CCL22: variants seen among roughly 807,000 people sequenced by gnomAD.
CCL22 encodes the protein C-C motif chemokine ligand 22.
A neutral mutation model predicts 7.6 loss-of-function variants in CCL22; 7 were observed. The observed-to-expected ratio is 0.92, with a 90% CI of 0.52 to 1.72. The LOEUF (loss-of-function observed/expected upper bound fraction) is 1.72. CCL22 is among the 40% of genes most tolerant of loss of function. The pLI is 0.00. For missense variants in CCL22, 115 were observed against 124.7 expected, an observed-to-expected ratio of 0.92 and a Z score of 0.37; for synonymous variants, 55 against 47.2, an observed-to-expected ratio of 1.17 and a Z score of -0.68.
chr16:57,360,577 G>T lies in CCL22; in HGVS notation c.197+17G>T. 1 of 1,613,914 alleles carries T rather than the reference G, an allele frequency of 6.2e-7. No homozygotes were observed. The highest frequency in any genetic ancestry group is 1.1e-5 in the South Asian group (1 of 91,080). On this transcript the variant is annotated intron_variant, in intron 2 of 2. Coordinates refer to ENST00000219235, the MANE Select transcript of CCL22 (RefSeq NM_002990.5). ...TGGCGTGGTGTGAGTAGGGAGCTGGGGCCACAGGGCCTTGGTGGGCCTGAC... is the reference window on the plus strand; with the variant it reads ...TGGCGTGGTGTGAGTAGGGAGCTGGTGCCACAGGGCCTTGGTGGGCCTGAC...
chr16:57,361,072 C>G (rs1902043828), intron 2 of CCL22, among the ~76,000 whole-genome samples: 1 of 151,998 alleles, frequency 6.6e-6, no homozygotes, highest in Non-Finnish European at 1.5e-5. Context: ...TCAGCCTGGT[C>G]AACATGGTGA....
In CCL22 at chr16:57,365,809, A is replaced by G. The variant is rs1162101852; in HGVS notation, c.*2221A>G. 6.6e-6 allele frequency: 1 copy of G among 152,260 alleles called. No individual in the cohort carries two copies. 9.4% of individuals were successfully genotyped at this position (152,260 alleles called of 1,614,324 possible). On this transcript the variant is annotated 3_prime_UTR_variant, in exon 3 of 3. Transcript: ENST00000219235. ...GGGACAGCAGTGTCCCAGGTAAAGGACATAAATGTTACAAGTGTCTGGTCC... is the reference window on the plus strand; with the variant it reads ...GGGACAGCAGTGTCCCAGGTAAAGGGCATAAATGTTACAAGTGTCTGGTCC...
chr16:57,363,698 T>G lies in CCL22; in HGVS notation c.*110T>G. The G allele has an allele frequency of 1.4e-6, 1 of 702,268 alleles. No homozygotes were observed. Among genetic ancestry groups the G allele is most frequent in the Non-Finnish European group, 2.5e-6 (1 of 393,404 alleles). 43.5% of individuals were successfully genotyped at this position (702,268 alleles called of 1,614,324 possible). ...CAGAAGCCTGTGCCAACTCTCTGCA[T>G]TCCCTGATCTCCATCCCTGTGGCTG... On this transcript the variant is annotated 3_prime_UTR_variant, in exon 3 of 3. Coordinates refer to ENST00000219235, the MANE Select transcript of CCL22 (RefSeq NM_002990.5).
At chr16:57,361,122 G>A (rs1230014036) in intron 2 of CCL22, among the ~76,000 whole-genome samples, 1 of 152,048 alleles carries the variant, frequency 6.6e-6, no homozygotes, top group Non-Finnish European at 1.5e-5. Flanking sequence ...AGCTGAGTGT[G>A]ATGGTGCGTG....
At position 57,358,838 on chromosome 16, in the gene CCL22, C is replaced by T; in HGVS notation, c.22C>T (p.Leu8Phe). Residue 8 changes from leucine to phenylalanine, a missense_variant, in exon 1 of 3, where the codon CTC (leucine) becomes TTC (phenylalanine). Physicochemically the swap from Leu to Phe is conservative, Grantham distance 22. Transcript: ENST00000219235. MDRLQTALLVVLVLLAVA... is the reference protein window; with the variant it reads MDRLQTAFLVVLVLLAVA... ...GAGCATGGATCGCCTACAGACTGCACTCCTGGTTGTCCTCGTCCTCCTTGC... is the reference window on the plus strand; with the variant it reads ...GAGCATGGATCGCCTACAGACTGCATTCCTGGTTGTCCTCGTCCTCCTTGC... 2.5e-6 allele frequency: 4 copies of T among 1,613,974 alleles called. No homozygotes were observed. In the South Asian group the frequency reaches 4.4e-5, roughly 18 times the overall value.
At chr16:57,360,004 C>T (rs1902030659) in intron 1 of CCL22, among the ~76,000 whole-genome samples, 1 of 152,178 alleles carries the variant, frequency 6.6e-6, no homozygotes, top group Non-Finnish European at 1.5e-5. Flanking sequence ...CCACTCTATA[C>T]TTTTGCTGTG....
upstream of CCL22, chr16:57,358,651 A>C: frequency 1.6e-6 from 1 of 631,168 alleles, no homozygotes; most frequent in Non-Finnish European, 2.9e-6. Flanking sequence ...ACTTTGGAGG[A>C]AGTGGGAGGT....
At chr16:57,359,766 G>A (rs1292364772) in intron 1 of CCL22, among the ~76,000 whole-genome samples, 1 of 152,082 alleles carries the variant, frequency 6.6e-6, no homozygotes, top group African/African-American at 2.4e-5. Context: ...CTGAGTAGCT[G>A]GGATTACAGG....
chr16:57,363,147 C>T (rs1386059480), intron 2 of CCL22, among the ~76,000 whole-genome samples: 3 of 152,110 alleles, frequency 2.0e-5, no homozygotes, highest in African/African-American at 7.2e-5. Context: ...AGGCAGATGT[C>T]ACCATGCCTG....
intron 1 of CCL22, among the ~76,000 whole-genome samples, chr16:57,359,813 A>C (rs1189779484): frequency 6.6e-6 from 1 of 152,018 alleles, no homozygotes; most frequent in African/African-American, 2.4e-5. Context: ...TTGTATTTTT[A>C]GTAAAGATGG....
chr16:57,365,097 C>A lies in CCL22; in HGVS notation c.*1509C>A, dbSNP rs987442266. On this transcript the variant is annotated 3_prime_UTR_variant, in exon 3 of 3. Coordinates refer to ENST00000219235, the MANE Select transcript of CCL22 (RefSeq NM_002990.5). Reference sequence around the variant, plus strand: ...GATTACAGGCGTGAGCTATCACACCCAGCCTCCCCCTTTTTTTCCTAATAG... The same window carrying A: ...GATTACAGGCGTGAGCTATCACACCAAGCCTCCCCCTTTTTTTCCTAATAG... 6.6e-6 allele frequency: 1 copy of A among 151,906 alleles called. No individual in the cohort carries two copies. The highest frequency in any genetic ancestry group is 1.5e-5 in the Non-Finnish European group (1 of 67,976). 9.4% of individuals were successfully genotyped at this position (151,906 alleles called of 1,614,324 possible). A position where few individuals can be genotyped will look rare whatever the true frequency, so the allele number is the denominator to read the frequency against.
At position 57,360,570 on chromosome 16, in the gene CCL22, G is replaced by A. The variant is rs1215497200; in HGVS notation, c.197+10G>A. Reference sequence around the variant, plus strand: ...CGAGGCCTGGCGTGGTGTGAGTAGGGAGCTGGGGCCACAGGGCCTTGGTGG... The same window carrying A: ...CGAGGCCTGGCGTGGTGTGAGTAGGAAGCTGGGGCCACAGGGCCTTGGTGG... On this transcript the variant is annotated intron_variant, in intron 2 of 2. Coordinates refer to ENST00000219235, the MANE Select transcript of CCL22 (RefSeq NM_002990.5). The A allele has an allele frequency of 6.8e-6, 11 of 1,614,026 alleles. No individual in the cohort carries two copies. The highest frequency in any genetic ancestry group is 9.3e-6 in the Non-Finnish European group (11 of 1,179,970).
At chr16:57,360,286 G>T in intron 1 of CCL22, 151 bp from the exon 2 acceptor site, 1 of 938,568 alleles carries the variant, frequency 1.1e-6, no homozygotes, top group South Asian at 1.7e-5. Flanking sequence ...GTCTTGGAGG[G>T]CTCAGAATCC....
chr16:57,359,504 CAG>C (rs1480294174), intron 1 of CCL22, among the ~76,000 whole-genome samples: 2 of 150,690 alleles, frequency 1.3e-5, no homozygotes, highest in East Asian at 3.9e-4. Context: ...TTAGTGGAGA[CAG>C]GGTTTCACCA....
chr16:57,364,305 A>G lies in CCL22; in HGVS notation c.*717A>G, dbSNP rs552674228. ...CACTGCAGACAGGCCCTGGCTCAGAATCAGAGCCCAGAAAGTGGCTGCAGA... is the reference window on the plus strand; with the variant it reads ...CACTGCAGACAGGCCCTGGCTCAGAGTCAGAGCCCAGAAAGTGGCTGCAGA... On this transcript the variant is annotated 3_prime_UTR_variant, in exon 3 of 3. Coordinates refer to ENST00000219235, the MANE Select transcript of CCL22 (RefSeq NM_002990.5). The G allele has an allele frequency of 6.6e-6, 1 of 152,358 alleles. No individual in the cohort carries two copies. The highest frequency in any genetic ancestry group is 1.9e-4 in the East Asian group (1 of 5,182). 9.4% of individuals were successfully genotyped at this position (152,358 alleles called of 1,614,324 possible).
At chr16:57,358,960 G>C (rs1902018892) in intron 1 of CCL22, 71 bp downstream of exon 1, 5 of 1,205,028 alleles carry the variant, frequency 4.1e-6, no homozygotes, top group Non-Finnish European at 4.9e-6. Context: ...CTCATGTCTT[G>C]GACAAGCACT....
At chr16:57,360,633 T>A in intron 2 of CCL22, 73 bp downstream of exon 2, 1 of 1,573,004 alleles carries the variant, frequency 6.4e-7, no homozygotes, top group East Asian at 2.2e-5. Context: ...CAGGTGCTGG[T>A]GGGTGGGACA....
chr16:57,358,945 T>C, intron 1 of CCL22, 56 bp downstream of exon 1: 1 of 1,326,914 alleles, frequency 7.5e-7, no homozygotes, highest in Non-Finnish European at 1.1e-6. Flanking sequence ...CGGTGGGGTG[T>C]CTTCCTCATG....
chr16:57,359,000 G>A, intron 1 of CCL22, 111 bp downstream of exon 1: 1 of 856,012 alleles, frequency 1.2e-6, no homozygotes. Flanking sequence ...TCAGTCTGCT[G>A]TTGGCTCTTG....
Sources: gnomAD v4.1 joint callset for allele counts (sites outside exome capture counted in the v4.1 genomes callset) on GRCh38, gnomAD v4.1.1 for gene constraint, MANE v1.5 for transcripts, NCBI Gene and HGNC (gene_info 2026-07-23, HGNC 2026-07-21) for gene names.